Variants in RGS18 observed in about 807,000 individuals in gnomAD.
The protein encoded by RGS18 is regulator of G protein signaling 18, also known as regulator of G-protein signaling 18.
Under a neutral mutation model 27.6 loss-of-function variants are expected in RGS18, and 22 were observed. The ratio of observed to expected loss-of-function variants is 0.80; its 90% CI spans 0.57 to 1.14. The LOEUF (loss-of-function observed/expected upper bound fraction) is 1.14, where lower values mean the gene tolerates loss of function less well. RGS18 is among the 50% of genes most tolerant of loss of function. RGS18 has a pLI of 0.00. For synonymous variants in RGS18, 89 were observed against 84.6 expected (o/e 1.05, Z -0.29); for missense variants, 299 against 269.6 (o/e 1.11, Z -0.76).
intron 3 of RGS18, among the ~76,000 whole-genome samples, chr1:192,178,735 G>T (rs145764328): frequency 6.6e-6 from 1 of 151,662 alleles, no homozygotes; most frequent in East Asian, 1.9e-4. Context: ...CTTAATCAAA[G>T]ATTTTATATC....
intron 1 of RGS18, 22 bp from the exon 2 acceptor site, chr1:192,159,198 C>T: frequency 6.5e-7 from 1 of 1,529,592 alleles, no homozygotes. Context: ...ATTGTCCTGA[C>T]ATGAAGGCCT....
intron 2 of RGS18, among the ~76,000 whole-genome samples, chr1:192,160,151 G>A (rs1330663075): frequency 6.6e-6 from 1 of 151,380 alleles, no homozygotes; most frequent in African/African-American, 2.4e-5. Flanking sequence ...ATATCCATGA[G>A]AAAAAAAATA....
At position 192,158,658 on chromosome 1, in the gene RGS18, C is replaced by T; in HGVS notation, c.21C>T (p.Phe7=). ...AGAAGATGGAAACAACATTGCTTTT[C>T]TTTTCTCAAATAAATATGTGTGAAT... METTLL[F]FSQINMCESK... Residue 7 remains phenylalanine (F), a synonymous_variant, in exon 1 of 5, where the codon TTC becomes TTT. Transcript: ENST00000367460. The T allele has an allele frequency of 6.4e-7, 1 of 1,569,640 alleles. No individual in the cohort carries two copies. Among genetic ancestry groups the T allele is most frequent in the Non-Finnish European group, 8.6e-7 (1 of 1,164,260 alleles).
chr1:192,168,231 G>A (rs1401194753), intron 3 of RGS18: 1 of 152,004 alleles, frequency 6.6e-6, no homozygotes, highest in Non-Finnish European at 1.5e-5. Flanking sequence ...TAACTAATGT[G>A]CTGGGATAAT....
chr1:192,184,278 T>C lies in RGS18; in HGVS notation c.451-19T>C. On this transcript the variant is annotated intron_variant, in intron 4 of 4. Coordinates refer to ENST00000367460, the MANE Select transcript of RGS18 (RefSeq NM_130782.3). ...ATAAGCATATTAACTATAATCACAC[T>C]TTTTTTCTGTTTATCCAGGTTAACC... The C allele has an allele frequency of 6.3e-7, 1 of 1,597,730 alleles. No individual in the cohort carries two copies.
chr1:192,184,203 G>C (rs1656503627), intron 4 of RGS18, 94 bp from the exon 5 acceptor site: 2 of 1,126,026 alleles, frequency 1.8e-6, no homozygotes, highest in African/African-American at 3.1e-5. Flanking sequence ...AGCCCAAGAT[G>C]CCCACTCCAA....
intron 3 of RGS18, among the ~76,000 whole-genome samples, chr1:192,176,920 C>A (rs940412364): frequency 4.0e-5 from 6 of 151,780 alleles, no homozygotes; most frequent in African/African-American, 1.4e-4. Flanking sequence ...ACCACAAACT[C>A]TAGCTTCACA....
chr1:192,169,905 A>G (rs538866545), intron 3 of RGS18: 15 of 152,218 alleles, frequency 9.9e-5, no homozygotes, highest in Non-Finnish European at 2.9e-5. Context: ...AGTTAAGTCT[A>G]GTAAAAAAAT....
chr1:192,177,713 A>C (rs546590716), intron 3 of RGS18, among the ~76,000 whole-genome samples: 3 of 151,778 alleles, frequency 2.0e-5, no homozygotes, highest in Non-Finnish European at 4.4e-5. Flanking sequence ...TTAGATTAAT[A>C]AAATTGCTTT....
intron 3 of RGS18, among the ~76,000 whole-genome samples, chr1:192,172,864 C>CATATATATATATATATATAAATATATAT (rs1357314985): frequency 7.4e-6 from 1 of 135,542 alleles, no homozygotes; most frequent in Non-Finnish European, 1.6e-5. Context: ...GAAAAATATG[C>CATATATATATATATATATAAATATATAT]ATATATATAT....
At chr1:192,158,855 A>G in intron 1 of RGS18, 99 bp downstream of exon 1, 1 of 869,884 alleles carries the variant, frequency 1.1e-6, no homozygotes, top group Non-Finnish European at 1.8e-6. Context: ...GGTGGAAAAT[A>G]TATTGTTTGT....
intron 1 of RGS18, 80 bp from the exon 2 acceptor site, chr1:192,159,140 T>C (rs1656025884): frequency 2.1e-6 from 2 of 968,790 alleles, no homozygotes; most frequent in African/African-American, 3.3e-5. Context: ...TTTTACCAAC[T>C]ACAAAATTTT....
chr1:192,183,634 G>GA (rs1022344838), intron 4 of RGS18, among the ~76,000 whole-genome samples: 2 of 151,608 alleles, frequency 1.3e-5, no homozygotes, highest in African/African-American at 4.8e-5. Context: ...GGCCATTCTT[G>GA]CACTGCAACA....
chr1:192,165,011 C>A (rs183528619), intron 3 of RGS18, among the ~76,000 whole-genome samples: 2 of 152,210 alleles, frequency 1.3e-5, no homozygotes, highest in African/African-American at 4.8e-5. Context: ...CTGCCTGGGA[C>A]CCGGGCAGGA....
intron 3 of RGS18, among the ~76,000 whole-genome samples, chr1:192,160,859 G>GT (rs1471963065): frequency 1.3e-5 from 2 of 152,108 alleles, no homozygotes; most frequent in African/African-American, 4.8e-5. Flanking sequence ...GTTTGTTTTT[G>GT]TTTTTTGTTT....
chr1:192,169,820 T>C (rs1409895327), intron 3 of RGS18: 1 of 152,288 alleles, frequency 6.6e-6, no homozygotes. Context: ...CATTTTAGAA[T>C]TCTATTAAAA....
intron 3 of RGS18, among the ~76,000 whole-genome samples, chr1:192,172,119 C>A (rs909807724): frequency 6.6e-6 from 1 of 151,972 alleles, no homozygotes; most frequent in East Asian, 1.9e-4. Flanking sequence ...CCCACTGCTA[C>A]GGTTTGGATG....
rs370861039 is a variant in RGS18 at position 192,166,679 on chromosome 1, C to G, written c.283+6240C>G. ...ATAGGAAACAAAAAAGAAGGATGAG[C>G]CAAAGATTTCTAGATTTCATTTTTA... On this transcript the variant is annotated intron_variant, in intron 3 of 4. Transcript: ENST00000367460. Among the ~76,000 whole-genome samples, 236 of 151,934 alleles carry G rather than the reference C, an allele frequency of 1.6e-3. 6 individuals carry two copies. The South Asian group carries it at 0.045, about 29-fold the overall frequency.
chr1:192,170,648 A>C, intron 3 of RGS18, among the ~76,000 whole-genome samples: 1 of 152,008 alleles, frequency 6.6e-6, no homozygotes, highest in East Asian at 1.9e-4. Context: ...ATCATTACAG[A>C]AGACAGAGGG....
Sources: gnomAD v4.1 joint callset for allele counts (sites outside exome capture counted in the v4.1 genomes callset) on GRCh38, gnomAD v4.1.1 for gene constraint, MANE v1.5 for transcripts, NCBI Gene and HGNC (gene_info 2026-07-23, HGNC 2026-07-21) for gene names.